The following CHCHD4 variants were observed in gnomAD, a reference collection of about 807,000 sequenced individuals.
The protein encoded by CHCHD4 is coiled-coil-helix-coiled-coil-helix domain containing 4, also known as mitochondrial intermembrane space import and assembly protein 40.
Under a neutral mutation model 12.4 loss-of-function variants are expected in CHCHD4, and 7 were observed. The ratio of observed to expected loss-of-function variants is 0.57; its 90% CI spans 0.32 to 1.06. CHCHD4 has a LOEUF of 1.06. Among genes scored for constraint, CHCHD4 ranks in the 50% least tolerant of loss-of-function variants. The pLI is 0.04. For missense variants in CHCHD4, 143 were observed against 175.1 expected, an observed-to-expected ratio of 0.82 and a Z score of 1.03; for synonymous variants, 56 against 58.0, an observed-to-expected ratio of 0.97 and a Z score of 0.16.
chr3:14,121,418 A>C (rs1157558217), intron 1 of CHCHD4, among the ~76,000 whole-genome samples: 1 of 152,224 alleles, frequency 6.6e-6, no homozygotes, highest in Non-Finnish European at 1.5e-5. Context: ...AGTGAGACCA[A>C]AAAATCCCTT....
intron 1 of CHCHD4, among the ~76,000 whole-genome samples, chr3:14,116,835 G>A (rs1037072198): frequency 6.6e-6 from 1 of 152,242 alleles, no homozygotes; most frequent in Non-Finnish European, 1.5e-5. Flanking sequence ...TGGGTCCTCA[G>A]CCTACAGATC....
At chr3:14,120,585 A>C (rs1300149417) in intron 1 of CHCHD4, among the ~76,000 whole-genome samples, 1 of 152,056 alleles carries the variant, frequency 6.6e-6, no homozygotes, top group African/African-American at 2.4e-5. Context: ...ATCTTTCTCC[A>C]AAGTGCTTTT....
Position 14,119,987 on chromosome 3 carries a change from CAAT to C in CHCHD4, c.23-3466_23-3464del, listed in dbSNP as rs1694915111. Among the ~76,000 whole-genome samples, 6 of 152,252 alleles carry C rather than the reference CAAT, an allele frequency of 3.9e-5. No homozygotes were observed. The South Asian group carries it at 1.2e-3, about 32-fold the overall frequency. On this transcript the variant is annotated intron_variant, in intron 1 of 2. Transcript: ENST00000396914. ...GAGACAATCACAGGCTCAGAGATGT[CAAT>C]AATGTTTTGGAAATGGGAGAGCTGA...
At chr3:14,115,606 G>A (rs957497907) in intron 2 of CHCHD4, among the ~76,000 whole-genome samples, 4 of 152,134 alleles carry the variant, frequency 2.6e-5, no homozygotes, top group Non-Finnish European at 5.9e-5. Context: ...GAGCAGTCAG[G>A]GCAACAAGTG....
At chr3:14,119,490 T>C (rs1274452922) in intron 1 of CHCHD4, among the ~76,000 whole-genome samples, 2 of 138,586 alleles carry the variant, frequency 1.4e-5, no homozygotes, top group Non-Finnish European at 3.0e-5. Flanking sequence ...GGACAAGGCT[T>C]ACCTATTCCT....
At chr3:14,121,948 G>C in intron 1 of CHCHD4, 1 of 1,613,908 alleles carries the variant, frequency 6.2e-7, no homozygotes, top group East Asian at 2.2e-5. Context: ...GGTAGTACCT[G>C]GTGGTCACAG....
intron 1 of CHCHD4, among the ~76,000 whole-genome samples, chr3:14,121,491 T>G (rs555154836): frequency 2.0e-5 from 3 of 152,328 alleles, no homozygotes; most frequent in African/African-American, 7.2e-5. Flanking sequence ...ATCTCTCAGC[T>G]CATCCACCCC....
chr3:14,124,343 C>T (rs911155149), intron 1 of CHCHD4, among the ~76,000 whole-genome samples: 2 of 152,174 alleles, frequency 1.3e-5, no homozygotes, highest in Non-Finnish European at 2.9e-5. Flanking sequence ...TCGAGCCACA[C>T]GCAACGTGCT....
rs1034149967 is a variant in CHCHD4 at position 14,116,717 on chromosome 3, AAAG to A, written c.23-196_23-194del. On this transcript the variant is annotated intron_variant, in intron 1 of 2. Coordinates refer to ENST00000396914, the MANE Select transcript of CHCHD4 (RefSeq NM_001098502.2). ...CGGATGGATAAGGGGCAGGGCAGGA[AAAG>A]AAGCACTGAAGAAAAAGAGTGTCCT... is the stretch of plus-strand genomic sequence containing the variant. Among the ~76,000 whole-genome samples, 910 of 152,332 alleles carry A rather than the reference AAAG, an allele frequency of 6.0e-3. 3 individuals carry two copies. Among genetic ancestry groups the A allele is most frequent in the African/African-American group, 0.021 (886 of 41,566 alleles).
intron 1 of CHCHD4, chr3:14,121,920 C>T: frequency 2.5e-6 from 4 of 1,614,184 alleles, no homozygotes; most frequent in Non-Finnish European, 3.4e-6. Flanking sequence ...AACAAACCTT[C>T]CTCAGCTCCA....
chr3:14,120,716 C>T (rs181258642), intron 1 of CHCHD4, among the ~76,000 whole-genome samples: 10 of 152,084 alleles, frequency 6.6e-5, no homozygotes, highest in South Asian at 2.1e-4. Context: ...CAGAATAGTA[C>T]CAAGGACAAA....
intron 1 of CHCHD4, among the ~76,000 whole-genome samples, chr3:14,123,694 A>G (rs1037004023): frequency 6.6e-6 from 1 of 152,210 alleles, no homozygotes; most frequent in Non-Finnish European, 1.5e-5. Context: ...GGCGCAGAGA[A>G]GGTGCTTCAT....
chr3:14,121,717 C>T (rs1694936316), intron 1 of CHCHD4, among the ~76,000 whole-genome samples: 1 of 152,174 alleles, frequency 6.6e-6, no homozygotes, highest in Admixed American at 6.5e-5. Context: ...GGAGTGGTGC[C>T]TGTGGTGTAT....
At chr3:14,116,039 G>A (rs1694873101) in intron 2 of CHCHD4, among the ~76,000 whole-genome samples, 1 of 152,226 alleles carries the variant, frequency 6.6e-6, no homozygotes, top group East Asian at 1.9e-4. Flanking sequence ...AGCAGTTAGA[G>A]ACAGCAGGGA....
At chr3:14,116,133 T>C (rs1287096400) in intron 2 of CHCHD4, among the ~76,000 whole-genome samples, 1 of 152,198 alleles carries the variant, frequency 6.6e-6, no homozygotes, top group Non-Finnish European at 1.5e-5. Flanking sequence ...GTCTGGCAAC[T>C]TGTCTGAGCA....
chr3:14,115,020 TAGCTATTCCAAGCACCATCTC>T (rs529970472), intron 2 of CHCHD4, among the ~76,000 whole-genome samples: 3 of 152,054 alleles, frequency 2.0e-5, no homozygotes, highest in Non-Finnish European at 2.9e-5. Flanking sequence ...TTGGTACTCT[TAGCTATTCCAAGCACCATCTC>T]AGCTGCAGAG....
At chr3:14,120,108 A>T (rs1442454474) in intron 1 of CHCHD4, among the ~76,000 whole-genome samples, 2 of 152,134 alleles carry the variant, frequency 1.3e-5, no homozygotes, top group African/African-American at 4.8e-5. Flanking sequence ...TCCCCACCCC[A>T]GAACCTTGGT....
chr3:14,113,046 C>G lies in CHCHD4; in HGVS notation c.270G>C (p.Gln90His), dbSNP rs750051142. The change falls in exon 3 of 3, where the codon CAG becomes CAC. Residue 90 changes from glutamine to histidine, a missense_variant. Gln to His is a conservative substitution (Grantham distance 24). Transcript: ENST00000396914. ...GCATGCATTCCTGCATGGCCCGGAA[C>G]TGGTCTACACAGTCTGACCCCTTGA... is the stretch of plus-strand genomic sequence containing the variant. ...EEIKGSDCVD[Q>H]FRAMQECMQK... The G allele has an allele frequency of 6.8e-6, 11 of 1,613,968 alleles. No homozygotes were observed. In the South Asian group the frequency reaches 1.2e-4, roughly 18 times the overall value.
intron 1 of CHCHD4, among the ~76,000 whole-genome samples, chr3:14,120,619 T>C (rs1358327055): frequency 6.6e-6 from 1 of 152,136 alleles, no homozygotes; most frequent in Non-Finnish European, 1.5e-5. Flanking sequence ...ACTATGTATG[T>C]TTACCACTTG....
Sources: allele counts gnomAD v4.1 joint callset (sites outside exome capture counted in the v4.1 genomes callset), GRCh38; gene constraint gnomAD v4.1.1; transcripts MANE v1.5; gene names NCBI Gene and HGNC (gene_info 2026-07-23, HGNC 2026-07-21).